The following ZRANB3 variants were observed in gnomAD, a reference collection of about 807,000 sequenced individuals.
ZRANB3 encodes the protein DNA annealing helicase and endonuclease ZRANB3.
ZRANB3 carries 125 observed loss-of-function variants against 133.8 expected under a neutral mutation model. The ratio of observed to expected loss-of-function variants is 0.93; its 90% CI spans 0.81 to 1.08. The LOEUF (loss-of-function observed/expected upper bound fraction) is 1.08, where lower values mean the gene tolerates loss of function less well. ZRANB3 is among the 50% of genes least tolerant of loss of function. The probability of loss-of-function intolerance (pLI) is 0.00; values close to 1 mark genes in which losing one functional copy is unlikely to be tolerated. For missense variants in ZRANB3, 1,229 were observed against 1,275.5 expected (o/e 0.96, Z 0.56); for synonymous variants, 387 against 432.7 (o/e 0.89, Z 1.31).
intron 8 of ZRANB3, among the ~76,000 whole-genome samples, chr2:135,278,414 T>C (rs1436540889): frequency 6.6e-6 from 1 of 152,134 alleles, no homozygotes; most frequent in Non-Finnish European, 1.5e-5. Context: ...GCTTCCAATA[T>C]ACCATTTCTT....
At chr2:135,512,397 G>A (rs1314046153) in intron 1 of ZRANB3, among the ~76,000 whole-genome samples, 2 of 151,690 alleles carry the variant, frequency 1.3e-5, no homozygotes, top group African/African-American at 4.8e-5. Flanking sequence ...ACAAGTAAAT[G>A]GCGGGTCAGG....
chr2:135,224,466 C>G lies in ZRANB3; in HGVS notation c.2210G>C (p.Cys737Ser), dbSNP rs1465234250. Residue 737 changes from cysteine to serine, a missense_variant, in exon 15 of 21, where the codon TGT becomes TCT. Cys to Ser is a moderately radical substitution (Grantham distance 112). Transcript: ENST00000264159. ...TLPVYDTLMF[C>S]ASRNTDRIHI... is the part of the protein sequence containing the mutation. ...AATCCGGTCAGTATTCCTACTTGCA[C>G]AGAACATTAAGGTGTCATACACTGG... 1.9e-6 allele frequency: 3 copies of G among 1,613,360 alleles called. No homozygotes were observed. Among genetic ancestry groups the G allele is most frequent in the Middle Eastern group, 1.6e-4 (1 of 6,082 alleles).
At position 135,353,628 on chromosome 2, in the gene ZRANB3, T is replaced by A. The variant is rs1170835038; in HGVS notation, c.181A>T (p.Met61Leu). 1 of 1,451,974 alleles carries A rather than the reference T, an allele frequency of 6.9e-7. No individual in the cohort carries two copies. The allele number at this position is 1,451,974 out of a possible 1,614,324, so 89.9% of individuals were successfully genotyped here. A position where few individuals can be genotyped will look rare whatever the true frequency, so the allele number is the denominator to read the frequency against. ...RNGRCMVADE[M>L]GLGKTIQAIG... ...GCCTGGATTGTCTTTCCTAGACCCA[T>A]CTAAATTAAAAAATAAATAAATGTT... The change falls in exon 4 of 21, where the codon ATG becomes TTG. Residue 61 changes from methionine (M) to leucine (L), a missense_variant and splice_region_variant. Transcript: ENST00000264159.
chr2:135,465,949 A>C (rs1312850610), intron 2 of ZRANB3, among the ~76,000 whole-genome samples: 1 of 152,250 alleles, frequency 6.6e-6, no homozygotes, highest in Non-Finnish European at 1.5e-5. Flanking sequence ...ACAAAATAAC[A>C]AAATAAATTT....
intron 8 of ZRANB3, among the ~76,000 whole-genome samples, chr2:135,284,230 T>C (rs559352163): frequency 6.6e-6 from 1 of 152,346 alleles, no homozygotes; most frequent in South Asian, 2.1e-4. Flanking sequence ...CATAGGGTTG[T>C]GGTGAAAATT....
At chr2:135,251,141 AG>A (rs891042641) in intron 12 of ZRANB3, among the ~76,000 whole-genome samples, 7 of 152,268 alleles carry the variant, frequency 4.6e-5, no homozygotes, top group African/African-American at 1.7e-4. Context: ...ATCATTTTGG[AG>A]CTTTAAAATT....
intron 8 of ZRANB3, among the ~76,000 whole-genome samples, chr2:135,306,709 C>A (rs1392169307): frequency 3.3e-5 from 5 of 152,044 alleles, no homozygotes; most frequent in Non-Finnish European, 1.5e-5. Flanking sequence ...CTGCCTCAGC[C>A]TCCCGAATAG....
intron 2 of ZRANB3, among the ~76,000 whole-genome samples, chr2:135,473,542 A>G (rs1691371317): frequency 6.6e-6 from 1 of 150,822 alleles, no homozygotes; most frequent in Non-Finnish European, 1.5e-5. Context: ...AGCTAGTAAT[A>G]TGCTAAAAAA....
At chr2:135,388,874 T>C (rs1687098882) in intron 3 of ZRANB3, among the ~76,000 whole-genome samples, 1 of 151,934 alleles carries the variant, frequency 6.6e-6, no homozygotes, top group Admixed American at 6.6e-5. Flanking sequence ...GTCAGGAGAT[T>C]GAGACCATTC....
At chr2:135,477,899 G>A (rs1691572012) in intron 2 of ZRANB3, among the ~76,000 whole-genome samples, 1 of 151,998 alleles carries the variant, frequency 6.6e-6, no homozygotes, top group South Asian at 2.1e-4. Flanking sequence ...GGTGGAAGGA[G>A]GACTGTTTGA....
chr2:135,426,173 C>T (rs1050966469), intron 2 of ZRANB3, among the ~76,000 whole-genome samples: 1 of 151,970 alleles, frequency 6.6e-6, no homozygotes, highest in Admixed American at 6.6e-5. Flanking sequence ...TGATGAGTTC[C>T]AAAACTGATT....
At chr2:135,456,437 G>A (rs1301244699) in intron 2 of ZRANB3, among the ~76,000 whole-genome samples, 4 of 152,152 alleles carry the variant, frequency 2.6e-5, no homozygotes, top group Non-Finnish European at 5.9e-5. Context: ...GGAAAAGTAG[G>A]CTAGCTATAT....
At chr2:135,346,182 C>T (rs1378445860) in intron 5 of ZRANB3, among the ~76,000 whole-genome samples, 2 of 152,166 alleles carry the variant, frequency 1.3e-5, no homozygotes, top group East Asian at 3.9e-4. Context: ...CTGCAAGCTC[C>T]GCCTCCAGAG....
chr2:135,270,499 G>A (rs1413879983), intron 10 of ZRANB3, among the ~76,000 whole-genome samples: 1 of 151,966 alleles, frequency 6.6e-6, no homozygotes, highest in African/African-American at 2.4e-5. Flanking sequence ...ATTTCAAAAG[G>A]TCCTAGACTC....
At chr2:135,318,231 TGTG>T in intron 6 of ZRANB3, among the ~76,000 whole-genome samples, 2 of 150,142 alleles carry the variant, frequency 1.3e-5, no homozygotes, top group Non-Finnish European at 3.0e-5. Context: ...TGTGTGTGTG[TGTG>T]TGTGTGTGTG....
At chr2:135,495,871 TATTAA>T (rs1692638747) in intron 2 of ZRANB3, among the ~76,000 whole-genome samples, 1 of 152,164 alleles carries the variant, frequency 6.6e-6, no homozygotes, top group Admixed American at 6.5e-5. Context: ...CCATATATTT[TATTAA>T]ATTAAATTAT....
chr2:135,305,260 C>T (rs1682626785), intron 8 of ZRANB3, among the ~76,000 whole-genome samples: 1 of 152,086 alleles, frequency 6.6e-6, no homozygotes, highest in South Asian at 2.1e-4. Context: ...GTGCCTGGCC[C>T]CTTTTACTAT....
At chr2:135,274,809 T>C (rs935023722) in intron 9 of ZRANB3, among the ~76,000 whole-genome samples, 4 of 152,032 alleles carry the variant, frequency 2.6e-5, no homozygotes, top group African/African-American at 9.7e-5. Flanking sequence ...TACTTGAGAT[T>C]AGGGAGTGGT....
At chr2:135,374,354 T>A (rs769083017) in intron 3 of ZRANB3, among the ~76,000 whole-genome samples, 7 of 151,926 alleles carry the variant, frequency 4.6e-5, no homozygotes, top group Non-Finnish European at 8.8e-5. Flanking sequence ...TGCAGTGAGC[T>A]GAGATCACGC....
Sources: gnomAD v4.1 joint callset for allele counts (sites outside exome capture counted in the v4.1 genomes callset) on GRCh38, gnomAD v4.1.1 for gene constraint, MANE v1.5 for transcripts, NCBI Gene and HGNC (gene_info 2026-07-23, HGNC 2026-07-21) for gene names.